Variants in DEPDC1B observed in about 807,000 individuals in gnomAD.
DEPDC1B encodes DEP domain-containing protein 1B.
DEPDC1B carries 51 observed loss-of-function variants against 66.5 expected under a neutral mutation model. The ratio of observed to expected loss-of-function variants is 0.77; its 90% CI spans 0.61 to 0.97. The LOEUF (loss-of-function observed/expected upper bound fraction) is 0.97. Ranked by LOEUF, DEPDC1B falls within the 50% of genes least tolerant of loss-of-function variation. The pLI is 0.00. For synonymous variants in DEPDC1B, 226 were observed against 223.6 expected, an observed-to-expected ratio of 1.01 and a Z score of -0.10; for missense variants, 552 against 637.1, an observed-to-expected ratio of 0.87 and a Z score of 1.44.
chr5:60,666,460 C>T (rs530723925), intron 2 of DEPDC1B, among the ~76,000 whole-genome samples: 4 of 152,278 alleles, frequency 2.6e-5, no homozygotes, highest in African/African-American at 9.6e-5. Context: ...CCCCCCATAA[C>T]ACCTCGATGT....
chr5:60,688,959 T>A, intron 1 of DEPDC1B: 1 of 454,054 alleles, frequency 2.2e-6, no homozygotes, highest in Non-Finnish European at 4.4e-6. Flanking sequence ...ACTAACTCAC[T>A]GTAATACACT....
intron 6 of DEPDC1B, among the ~76,000 whole-genome samples, chr5:60,640,227 C>A (rs1178560404): frequency 6.6e-6 from 1 of 152,164 alleles, no homozygotes; most frequent in African/African-American, 2.4e-5. Flanking sequence ...TCTGACATAT[C>A]CCAAGCTTAA....
chr5:60,640,711 G>A (rs907982556), intron 6 of DEPDC1B, among the ~76,000 whole-genome samples: 3 of 152,184 alleles, frequency 2.0e-5, no homozygotes, highest in African/African-American at 4.8e-5. Context: ...ATGGGCTGAA[G>A]AGAAAGAGGT....
chr5:60,657,163 C>A (rs923523862), intron 2 of DEPDC1B, among the ~76,000 whole-genome samples: 3 of 152,172 alleles, frequency 2.0e-5, no homozygotes, highest in Non-Finnish European at 4.4e-5. Flanking sequence ...TACCCCGTTA[C>A]CTTTAGTTTA....
intron 9 of DEPDC1B, 32 bp downstream of exon 9, chr5:60,603,359 T>A: frequency 6.8e-7 from 1 of 1,476,556 alleles, no homozygotes; most frequent in Non-Finnish European, 9.0e-7. Flanking sequence ...ATATTGCCAA[T>A]TTCATAGAAC....
At chr5:60,620,697 G>A (rs1230149485) in intron 7 of DEPDC1B, among the ~76,000 whole-genome samples, 2 of 152,342 alleles carry the variant, frequency 1.3e-5, no homozygotes, top group East Asian at 3.9e-4. Flanking sequence ...TGGTGGGACT[G>A]TAAACTGGTT....
At chr5:60,622,445 T>C (rs1752725593) in intron 7 of DEPDC1B, among the ~76,000 whole-genome samples, 1 of 152,258 alleles carries the variant, frequency 6.6e-6, no homozygotes, top group Non-Finnish European at 1.5e-5. Context: ...TATTTTTCCA[T>C]TCACTTGCTG....
intron 2 of DEPDC1B, among the ~76,000 whole-genome samples, chr5:60,685,075 C>G (rs191465924): frequency 6.6e-6 from 1 of 152,160 alleles, no homozygotes; most frequent in Non-Finnish European, 1.5e-5. Context: ...ACCTGCCTCT[C>G]GCTCATACTC....
At chr5:60,628,543 A>T (rs1422647679) in intron 7 of DEPDC1B, 3 of 152,230 alleles carry the variant, frequency 2.0e-5, no homozygotes, top group Non-Finnish European at 4.4e-5. Flanking sequence ...GGTATAAAAA[A>T]TAAAAGGTTT....
chr5:60,623,220 C>T (rs746725716), intron 7 of DEPDC1B, among the ~76,000 whole-genome samples: 6 of 152,130 alleles, frequency 3.9e-5, no homozygotes, highest in Admixed American at 1.3e-4. Context: ...CCAGTTGTTC[C>T]AACACTACCC....
intron 7 of DEPDC1B, among the ~76,000 whole-genome samples, chr5:60,610,952 T>G (rs1752403609): frequency 6.6e-6 from 1 of 152,204 alleles, no homozygotes; most frequent in African/African-American, 2.4e-5. Context: ...ACCGAAGTCT[T>G]TATTGGAGTC....
chr5:60,648,892 C>G (rs916951489), intron 2 of DEPDC1B, among the ~76,000 whole-genome samples: 1 of 152,116 alleles, frequency 6.6e-6, no homozygotes, highest in Non-Finnish European at 1.5e-5. Flanking sequence ...ATTTTATTTC[C>G]TACAAGTCAA....
chr5:60,674,259 T>A (rs1185941494), intron 2 of DEPDC1B, among the ~76,000 whole-genome samples: 1 of 152,150 alleles, frequency 6.6e-6, no homozygotes, highest in East Asian at 1.9e-4. Flanking sequence ...AGCCAAGGAT[T>A]TGAAATTATC....
chr5:60,653,602 T>A (rs1753507400), intron 2 of DEPDC1B, among the ~76,000 whole-genome samples: 1 of 152,158 alleles, frequency 6.6e-6, no homozygotes, highest in South Asian at 2.1e-4. Context: ...AGCTTTTTAG[T>A]TTAATTAAGT....
At chr5:60,692,935 G>C (rs1754579234) in intron 1 of DEPDC1B, among the ~76,000 whole-genome samples, 1 of 152,072 alleles carries the variant, frequency 6.6e-6, no homozygotes. Context: ...CTCAAAAGCA[G>C]GCCAAACGAT....
At chr5:60,654,279 T>C (rs1440256283) in intron 2 of DEPDC1B, among the ~76,000 whole-genome samples, 1 of 149,174 alleles carries the variant, frequency 6.7e-6, no homozygotes, top group Non-Finnish European at 1.5e-5. Context: ...TATGATTTCT[T>C]TCAGCAGTGT....
At chr5:60,615,770 T>C (rs905087622) in intron 7 of DEPDC1B, among the ~76,000 whole-genome samples, 6 of 152,332 alleles carry the variant, frequency 3.9e-5, no homozygotes, top group Middle Eastern at 6.8e-3. Context: ...TAAATGTCAC[T>C]GTCTGACAGC....
chr5:60,615,996 T>C (rs1053414875), intron 7 of DEPDC1B, among the ~76,000 whole-genome samples: 1 of 152,206 alleles, frequency 6.6e-6, no homozygotes, highest in African/African-American at 2.4e-5. Context: ...ATATCTGCTG[T>C]TCTGCAGCCT....
chr5:60,663,450 C>A (rs1198554935), intron 2 of DEPDC1B, among the ~76,000 whole-genome samples: 1 of 152,200 alleles, frequency 6.6e-6, no homozygotes, highest in Admixed American at 6.5e-5. Flanking sequence ...TCCCTCTATA[C>A]CCAGCTGTAC....
Sources: gnomAD v4.1 joint callset for allele counts (sites outside exome capture counted in the v4.1 genomes callset) on GRCh38, gnomAD v4.1.1 for gene constraint, MANE v1.5 for transcripts, NCBI Gene and HGNC (gene_info 2026-07-23, HGNC 2026-07-21) for gene names.